Variants in LINGO1 observed in about 807,000 individuals in gnomAD.
LINGO1 encodes leucine-rich repeat and immunoglobulin-like domain-containing nogo receptor-interacting protein 1.
LINGO1 carries 11 observed loss-of-function variants against 37.3 expected under a neutral mutation model. The ratio of observed to expected loss-of-function variants is 0.29; its 90% CI spans 0.19 to 0.49. LINGO1 has a LOEUF of 0.49. Among genes scored for constraint, LINGO1 ranks in the 20% least tolerant of loss-of-function variants. The pLI, the probability that LINGO1 is intolerant of heterozygous loss-of-function variation, is 0.99. For missense variants in LINGO1, 585 were observed against 878.2 expected (o/e 0.67, Z 4.22); for synonymous variants, 387 against 403.0 (o/e 0.96, Z 0.48).
At position 77,765,197 on chromosome 15, in the gene LINGO1, T is replaced by C. The variant is rs561474875; in HGVS notation, c.-257+21672A>G. On this transcript the variant is annotated intron_variant, in intron 1 of 3. Coordinates refer to the LINGO1 transcript ENST00000561686. Reference sequence around the variant, plus strand: ...TGGGAGGCCGAGGGGTGCAGATCACTTGAGGTCAGGAGTTGGAGACCAGCC... The same window carrying C: ...TGGGAGGCCGAGGGGTGCAGATCACCTGAGGTCAGGAGTTGGAGACCAGCC... 6.6e-5 allele frequency among the ~76,000 whole-genome samples: 10 copies of C among 152,140 alleles called. No homozygotes were observed. In the South Asian group the frequency reaches 2.1e-3, roughly 32 times the overall value.
chr15:77,616,211 T>C (rs1450971815), intron 1 of LINGO1, among the ~76,000 whole-genome samples: 5 of 152,236 alleles, frequency 3.3e-5, no homozygotes, highest in Middle Eastern at 6.8e-3. Flanking sequence ...TCACAGGCGG[T>C]TGACTCCAAG....
intron 2 of LINGO1, among the ~76,000 whole-genome samples, chr15:77,716,550 C>T (rs986317057): frequency 1.3e-4 from 19 of 149,960 alleles, no homozygotes; most frequent in African/African-American, 9.7e-5. Flanking sequence ...CACACACACA[C>T]GCACTCATAC....
chr15:77,784,418 C>G (rs974412016), intron 1 of LINGO1, among the ~76,000 whole-genome samples: 1 of 152,238 alleles, frequency 6.6e-6, no homozygotes, highest in African/African-American at 2.4e-5. Flanking sequence ...CCCTGCCCAG[C>G]AAGCGGCTGA....
At position 77,682,770 on chromosome 15, in the gene LINGO1, G is replaced by A. The variant is rs1056536566; in HGVS notation, c.-98-5596C>T. Among the ~76,000 whole-genome samples the A allele has an allele frequency of 7.2e-5, 11 of 151,978 alleles. No homozygotes were observed. The East Asian group carries it at 2.1e-3, about 29-fold the overall frequency. ...CCATCCACACAGTGGCAATCAGAAC[G>A]GCCTTTCCCAGTCACAAATATGACC... On this transcript the variant is annotated intron_variant, in intron 2 of 3. Transcript: ENST00000559893.
At chr15:77,698,995 G>T (rs922065164), upstream of LINGO1, among the ~76,000 whole-genome samples, 8 of 152,112 alleles carry the variant, frequency 5.3e-5, no homozygotes, top group Non-Finnish European at 1.0e-4. Context: ...AGAGAAGGAA[G>T]ACCTTCCTCA....
At chr15:77,794,780 C>T (rs968048974) in intron 2 of LINGO1, among the ~76,000 whole-genome samples, 3 of 151,730 alleles carry the variant, frequency 2.0e-5, no homozygotes, top group East Asian at 3.9e-4. Context: ...TTAGTAGAGA[C>T]GGGGTTTTAC....
chr15:77,614,859 G>A lies in LINGO1; in HGVS notation c.1048C>T (p.Leu350=), dbSNP rs752469221. ...LNVSGNQLTT[L]EESVFHSVGN... ...ACCGAGTGGAAGACTGATTCCTCCA[G>A]TGTGGTCAGCTGGTTGCCAGAGACA... The change falls in exon 2 of 2, where the codon CTG becomes TTG. Residue 350 remains leucine (L), a synonymous_variant. Coordinates refer to ENST00000355300, the MANE Select transcript of LINGO1 (RefSeq NM_032808.7). 1 of 1,613,784 alleles carries A rather than the reference G, an allele frequency of 6.2e-7. No individual in the cohort carries two copies. The highest frequency in any genetic ancestry group is 8.5e-7 in the Non-Finnish European group (1 of 1,179,864).
chr15:77,688,082 G>A (rs531874618), intron 2 of LINGO1, among the ~76,000 whole-genome samples: 2 of 152,280 alleles, frequency 1.3e-5, no homozygotes, highest in African/African-American at 2.4e-5. Context: ...CCCTGGCCCC[G>A]GGTGACCCAG....
intron 2 of LINGO1, among the ~76,000 whole-genome samples, chr15:77,793,343 G>A (rs76079727): frequency 4.6e-5 from 7 of 152,190 alleles, no homozygotes; most frequent in South Asian, 4.1e-4. Context: ...CTGGAGCACC[G>A]AGGGAGGGAG....
upstream of LINGO1, among the ~76,000 whole-genome samples, chr15:77,637,354 T>G (rs1294725416): frequency 6.6e-6 from 1 of 152,208 alleles, no homozygotes; most frequent in Non-Finnish European, 1.5e-5. This position sits in a 1 kb window ranked among gnomAD's most constrained non-coding sequence, Gnocchi z 4.6. Context: ...TCCCTGGCAT[T>G]TACTTCATGC....
intron 2 of LINGO1, among the ~76,000 whole-genome samples, chr15:77,792,173 CCT>C (rs962360886): frequency 3.3e-5 from 5 of 152,238 alleles, no homozygotes; most frequent in African/African-American, 9.6e-5. Flanking sequence ...ACGCTCCACC[CCT>C]GTTCCTCGGC....
chr15:77,694,157 T>C (rs758036730), intron 1 of LINGO1, among the ~76,000 whole-genome samples: 46 of 152,216 alleles, frequency 3.0e-4, no homozygotes, highest in Non-Finnish European at 5.9e-5. Flanking sequence ...CAGGGCTAGA[T>C]TGCACGGACT....
chr15:77,719,315 A>G (rs961342594), intron 2 of LINGO1, among the ~76,000 whole-genome samples: 5 of 149,912 alleles, frequency 3.3e-5, no homozygotes, highest in African/African-American at 1.2e-4. Context: ...GCACCAAGAC[A>G]CTTCTACTCG....
chr15:77,706,473 C>T (rs1324136828), intron 2 of LINGO1, among the ~76,000 whole-genome samples: 1 of 152,062 alleles, frequency 6.6e-6, no homozygotes, highest in African/African-American at 2.4e-5. Context: ...ACCCTCCTCA[C>T]TATTGGCCTC....
At chr15:77,771,888 C>T (rs965759171) in intron 1 of LINGO1, among the ~76,000 whole-genome samples, 21 of 152,282 alleles carry the variant, frequency 1.4e-4, no homozygotes, top group East Asian at 1.2e-3. Context: ...GCCCCGAGGT[C>T]GCCTGCCCTC....
chr15:77,756,556 A>C (rs1447738245), intron 1 of LINGO1, among the ~76,000 whole-genome samples: 1 of 152,038 alleles, frequency 6.6e-6, no homozygotes, highest in African/African-American at 2.4e-5. Context: ...ATACACATAC[A>C]TACCATCAAG....
chr15:77,747,816 A>G (rs1042830009), intron 1 of LINGO1, among the ~76,000 whole-genome samples: 1 of 152,230 alleles, frequency 6.6e-6, no homozygotes, highest in African/African-American at 2.4e-5. Flanking sequence ...GTCTCTTATT[A>G]AAGTGAAACT....
At chr15:77,739,178 G>A (rs2076235049) in intron 1 of LINGO1, among the ~76,000 whole-genome samples, 1 of 152,262 alleles carries the variant, frequency 6.6e-6, no homozygotes. Flanking sequence ...CCAACAGCTG[G>A]TGCCGCTGCC....
intron 1 of LINGO1, among the ~76,000 whole-genome samples, chr15:77,780,216 C>T (rs907403711): frequency 3.3e-5 from 5 of 152,104 alleles, no homozygotes; most frequent in African/African-American, 1.2e-4. Flanking sequence ...GTGGGCTGGG[C>T]AGGAAGTACT....
Sources: gnomAD v4.1 joint callset for allele counts (sites outside exome capture counted in the v4.1 genomes callset) on GRCh38, gnomAD v4.1.1 for gene constraint, Gnocchi (gnomAD v3.1) non-coding constraint, MANE v1.5 for transcripts, NCBI Gene and HGNC (gene_info 2026-07-23, HGNC 2026-07-21) for gene names.